AIM2: variants seen among roughly 807,000 people sequenced by gnomAD.
AIM2 encodes the protein interferon-inducible protein AIM2.
AIM2 carries 30 observed loss-of-function variants against 27.7 expected under a neutral mutation model. That is an observed-to-expected ratio of 1.08 (90% CI 0.81 to 1.47). The LOEUF (loss-of-function observed/expected upper bound fraction) is 1.47. AIM2 is among the 40% of genes most tolerant of loss of function. AIM2 has a pLI of 0.00. For missense variants in AIM2, 358 were observed against 411.3 expected (o/e 0.87, Z 1.12); for synonymous variants, 141 against 145.3 (o/e 0.97, Z 0.21).
chr1:159,077,796 G>A (rs1656666796), upstream of AIM2, among the ~76,000 whole-genome samples: 1 of 152,106 alleles, frequency 6.6e-6, no homozygotes, highest in South Asian at 2.1e-4. Flanking sequence ...TTTACTTGAG[G>A]TTTTCCTTTC....
At position 159,065,272 on chromosome 1, in the gene AIM2, C is replaced by T. The variant is rs916782112; in HGVS notation, c.816+638G>A. 2.6e-4 allele frequency among the ~76,000 whole-genome samples: 40 copies of T among 152,056 alleles called. 1 individual carries two copies. Among genetic ancestry groups the T allele is most frequent in the Admixed American group, 1.9e-3 (29 of 15,272 alleles). Reference sequence around the variant, plus strand: ...ACTTCTAATAAGTATCCTGGAGGAGCGCCTCTGCCCCGCGGCCCTGTCTGG... The same window carrying T: ...ACTTCTAATAAGTATCCTGGAGGAGTGCCTCTGCCCCGCGGCCCTGTCTGG... On this transcript the variant is annotated intron_variant, in intron 4 of 5. Coordinates refer to ENST00000368130, the MANE Select transcript of AIM2 (RefSeq NM_004833.3).
chr1:159,106,182 G>A (rs772561547), intron 1 of AIM2, among the ~76,000 whole-genome samples: 23 of 152,124 alleles, frequency 1.5e-4, no homozygotes, highest in African/African-American at 3.6e-4. Flanking sequence ...CGCTGGGTCC[G>A]GAGCTGCAGC....
Position 159,063,594 on chromosome 1 carries a change from C to G in AIM2, c.897G>C (p.Glu299Asp). 6.2e-7 allele frequency: 1 copy of G among 1,614,044 alleles called. No homozygotes were observed. Residue 299 changes from glutamate (E) to aspartate (D), a missense_variant, in exon 5 of 6, where the codon GAG becomes GAC. Coordinates refer to ENST00000368130, the MANE Select transcript of AIM2 (RefSeq NM_004833.3). ...GKMEVLGVRN[E>D]DTMKCKEGDK... The stretch of plus-strand genomic sequence containing the variant: ...CTCCTTCCTTACATTTCATTGTGTC[C>G]TCGTTTCTAACCCCCAGTACTTCCA...
intron 1 of AIM2, among the ~76,000 whole-genome samples, chr1:159,136,421 G>GGACTTA (rs1648010280): frequency 6.6e-6 from 1 of 151,946 alleles, no homozygotes; most frequent in South Asian, 2.1e-4. Flanking sequence ...GAAAATCAAG[G>GGACTTA]GACTTAGACT....
intron 1 of AIM2, among the ~76,000 whole-genome samples, chr1:159,082,196 C>T (rs938282517): frequency 1.3e-5 from 2 of 152,144 alleles, no homozygotes; most frequent in Non-Finnish European, 2.9e-5. Context: ...GGAGCAATTC[C>T]TTTAACATTT....
intron 1 of AIM2, among the ~76,000 whole-genome samples, chr1:159,114,868 A>G (rs1234732874): frequency 6.6e-6 from 1 of 152,350 alleles, no homozygotes; most frequent in Admixed American, 6.5e-5. Flanking sequence ...AAGGGTATTC[A>G]GTTAGGAAAA....
rs745765084 is a variant in AIM2, at chr1:159,066,138, C to T, written c.588G>A (p.Leu196=). ...TCTTTGGAATGAATTTATCTTTCAG[C>T]AGTGTATTAAAAACTTTTACAAAGA... ...EFFFVKVFNT[L]LKDKFIPKRI... is the part of the protein sequence containing the mutation. Residue 196 remains leucine (L), a synonymous_variant, in exon 4 of 6, where the codon CTG becomes CTA. Coordinates refer to ENST00000368130, the MANE Select transcript of AIM2 (RefSeq NM_004833.3). 2 of 1,614,154 alleles carry T rather than the reference C, an allele frequency of 1.2e-6. No homozygotes were observed. The highest frequency in any genetic ancestry group is 3.3e-5 in the Admixed American group (2 of 60,008).
chr1:159,066,043 AAC>A lies in AIM2; in HGVS notation c.681_682del (p.Leu228ArgfsTer3), dbSNP rs1362528849. 1.2e-6 allele frequency: 2 copies of A among 1,614,078 alleles called. No homozygotes were observed. The highest frequency in any genetic ancestry group is 1.7e-5 in the Admixed American group (1 of 60,008). ...AACCTTTTGGTCAGATTCAGCATCTAACACACGTGAGGCGCTATTTACCTCTA... is the reference window on the plus strand; with the variant it reads ...AACCTTTTGGTCAGATTCAGCATCTAACACGTGAGGCGCTATTTACCTCTA... On this transcript the variant is annotated frameshift_variant, in exon 4 of 6. Transcript: ENST00000368130. LOFTEE classifies it high-confidence loss of function.
chr1:159,068,765 A>G, intron 2 of AIM2, 64 bp from the exon 3 acceptor site: 1 of 1,493,660 alleles, frequency 6.7e-7, no homozygotes, highest in East Asian at 2.4e-5. Context: ...CACATTTTCA[A>G]ATGTCACCAG....
chr1:159,083,821 T>A (rs1175569317), intron 1 of AIM2, among the ~76,000 whole-genome samples: 1 of 152,208 alleles, frequency 6.6e-6, no homozygotes, highest in African/African-American at 2.4e-5. Context: ...CTTGGACTAG[T>A]CCTATTGGAA....
intron 1 of AIM2, among the ~76,000 whole-genome samples, chr1:159,128,334 C>T (rs765677349): frequency 4.6e-5 from 7 of 152,044 alleles, no homozygotes; most frequent in South Asian, 2.1e-4. Context: ...TGGGGTTACA[C>T]GAGTGGCCTG....
At chr1:159,137,557 T>A (rs371439951) in intron 1 of AIM2, among the ~76,000 whole-genome samples, 253 of 152,268 alleles carry the variant, frequency 1.7e-3, no homozygotes, top group African/African-American at 5.7e-3. Flanking sequence ...CTCAGGAGGC[T>A]GAGGCAGGAG....
intron 1 of AIM2, among the ~76,000 whole-genome samples, chr1:159,119,507 C>A (rs995997785): frequency 6.6e-6 from 1 of 152,074 alleles, no homozygotes; most frequent in African/African-American, 2.4e-5. Flanking sequence ...ACAGCCCCTT[C>A]AAGCTGTACC....
chr1:159,068,672 G>A lies in AIM2; in HGVS notation c.292C>T (p.Pro98Ser). ...VDKQYKSVTKPKPLSQAEMSP... is the reference protein window; with the variant it reads ...VDKQYKSVTKSKPLSQAEMSP... ...ATTTCAGCTTGACTTAGTGGCTTTG[G>A]TTTTGTTACCGATTTGTATTGCTTA... Residue 98 changes from proline (P) to serine (S), a missense_variant, in exon 3 of 6, where the codon CCA becomes TCA. Coordinates refer to ENST00000368130, the MANE Select transcript of AIM2 (RefSeq NM_004833.3). 1.9e-6 allele frequency: 3 copies of A among 1,613,656 alleles called. No individual in the cohort carries two copies. Among genetic ancestry groups the A allele is most frequent in the Non-Finnish European group, 2.5e-6 (3 of 1,179,814 alleles).
At chr1:159,094,991 A>G (rs959450920) in intron 1 of AIM2, among the ~76,000 whole-genome samples, 1 of 152,164 alleles carries the variant, frequency 6.6e-6, no homozygotes, top group African/African-American at 2.4e-5. Flanking sequence ...CTCTGTTACA[A>G]AAGCGGGCAA....
At chr1:159,074,980 A>T (rs950380732) in intron 1 of AIM2, among the ~76,000 whole-genome samples, 52 of 152,224 alleles carry the variant, frequency 3.4e-4, no homozygotes, top group African/African-American at 1.2e-3. Context: ...AATGAAAAAA[A>T]TAAAGACAAA....
intron 1 of AIM2, among the ~76,000 whole-genome samples, chr1:159,094,918 TA>T (rs1007754134): frequency 1.2e-4 from 18 of 151,222 alleles, no homozygotes; most frequent in African/African-American, 3.2e-4. Flanking sequence ...GCGAAAAAGG[TA>T]AAAAAAAACC....
At chr1:159,076,978 A>AC (rs1324933977), upstream of AIM2, 1 of 152,246 alleles carries the variant, frequency 6.6e-6, no homozygotes, top group Non-Finnish European at 1.5e-5. Context: ...ACTGTAAAAA[A>AC]TGACCGCAGA....
intron 1 of AIM2, among the ~76,000 whole-genome samples, chr1:159,131,647 A>G (rs1387667372): frequency 6.6e-6 from 1 of 152,184 alleles, no homozygotes; most frequent in Non-Finnish European, 1.5e-5. Flanking sequence ...AACTATGAAG[A>G]CATATTCATT....
Sources: allele counts gnomAD v4.1 joint callset (sites outside exome capture counted in the v4.1 genomes callset), GRCh38; gene constraint gnomAD v4.1.1; transcripts MANE v1.5; gene names NCBI Gene and HGNC (gene_info 2026-07-23, HGNC 2026-07-21).